ALDH1A2: variants seen among roughly 807,000 people sequenced by gnomAD.
The protein encoded by ALDH1A2 is aldehyde dehydrogenase 1 family member A2, also known as retinal dehydrogenase 2.
ALDH1A2 carries 27 observed loss-of-function variants against 60.3 expected under a neutral mutation model. The observed-to-expected ratio is 0.45, with a 90% CI of 0.33 to 0.62. The LOEUF is 0.62. Among genes scored for constraint, ALDH1A2 ranks in the 20% least tolerant of loss-of-function variants. The pLI, the probability that ALDH1A2 is intolerant of heterozygous loss-of-function variation, is 0.02. For synonymous variants in ALDH1A2, 289 were observed against 232.4 expected, an observed-to-expected ratio of 1.24 and a Z score of -2.21; for missense variants, 581 against 643.8, an observed-to-expected ratio of 0.90 and a Z score of 1.06.
chr15:58,020,629 C>A (rs1053739872), intron 1 of ALDH1A2, among the ~76,000 whole-genome samples: 2 of 152,166 alleles, frequency 1.3e-5, no homozygotes, highest in Admixed American at 6.5e-5. Context: ...CTAATCCCGT[C>A]CTCCAGCTTG....
At chr15:58,062,761 G>A (rs182923377) in intron 1 of ALDH1A2, among the ~76,000 whole-genome samples, 149 of 152,200 alleles carry the variant, frequency 9.8e-4, no homozygotes, top group Non-Finnish European at 1.7e-3. Flanking sequence ...GCTGTATTAG[G>A]GAAATACAAA....
At chr15:58,058,471 A>G (rs987953441) in intron 1 of ALDH1A2, among the ~76,000 whole-genome samples, 2 of 143,420 alleles carry the variant, frequency 1.4e-5, no homozygotes, top group Non-Finnish European at 3.1e-5. Flanking sequence ...TGATATTCAA[A>G]AAAAAAAAAA....
intron 4 of ALDH1A2, among the ~76,000 whole-genome samples, chr15:57,996,663 T>C (rs1895075835): frequency 6.6e-6 from 1 of 151,988 alleles, no homozygotes; most frequent in Admixed American, 6.6e-5. Flanking sequence ...AAGACTATCA[T>C]TACAAACATA....
At position 58,059,811 on chromosome 15, in the gene ALDH1A2, A is replaced by G. The variant is rs565811958; in HGVS notation, c.117+5723T>C. ...AAAAACGCAGTGTAAATATATAAGG[A>G]GGATTCCATAGCTACCCAGAATATT... On this transcript the variant is annotated intron_variant, in intron 1 of 12. Transcript: ENST00000249750. Among the ~76,000 whole-genome samples the G allele has an allele frequency of 2.2e-3, 334 of 152,358 alleles. 2 individuals are homozygous for G. Among genetic ancestry groups the G allele is most frequent in the Non-Finnish European group, 3.9e-3 (265 of 68,032 alleles).
chr15:58,023,204 A>T (rs918351050), intron 1 of ALDH1A2, among the ~76,000 whole-genome samples: 1 of 152,216 alleles, frequency 6.6e-6, no homozygotes, highest in East Asian at 1.9e-4. Context: ...AAAAAAATGC[A>T]TTTAAAATCT....
chr15:57,968,293 CA>C (rs1158454011), intron 7 of ALDH1A2, among the ~76,000 whole-genome samples: 3 of 152,182 alleles, frequency 2.0e-5, no homozygotes, highest in Non-Finnish European at 2.9e-5. Flanking sequence ...TTAAGCCTCT[CA>C]AAAAACCCTA....
In ALDH1A2 at chr15:58,014,249, C is replaced by G. The variant is rs1895725335; in HGVS notation, c.150G>C (p.Glu50Asp). The G allele has an allele frequency of 3.1e-6, 5 of 1,613,980 alleles. No homozygotes were observed. The African/African-American group carries it at 5.3e-5, about 17-fold the overall frequency. Residue 50 changes from glutamate (E) to aspartate (D), a missense_variant, in exon 2 of 13, where the codon GAG becomes GAC. Transcript: ENST00000249750. ...TATAGACAGGGAACACTCTCCCACT[C>G]TCTGAGTTCTGCCACTCGTTGTTTA... is the stretch of plus-strand genomic sequence containing the variant. The part of the protein sequence containing the change: ...IFINNEWQNS[E>D]SGRVFPVYNP...
At chr15:58,020,227 G>A (rs531805547) in intron 1 of ALDH1A2, among the ~76,000 whole-genome samples, 2 of 152,238 alleles carry the variant, frequency 1.3e-5, no homozygotes, top group South Asian at 4.1e-4. Context: ...CCATTGATGG[G>A]TATTTGGGTT....
At chr15:57,985,435 C>G (rs550089193) in intron 7 of ALDH1A2, among the ~76,000 whole-genome samples, 351 of 152,258 alleles carry the variant, frequency 2.3e-3, no homozygotes, top group Non-Finnish European at 4.1e-3. Context: ...TAAAATTTCC[C>G]AAACTCATAT....
At chr15:58,060,697 T>G (rs1897013168) in intron 1 of ALDH1A2, among the ~76,000 whole-genome samples, 1 of 152,192 alleles carries the variant, frequency 6.6e-6, no homozygotes, top group Non-Finnish European at 1.5e-5. Context: ...GCCATTATAG[T>G]CAGAAAGCTG....
At chr15:57,989,159 C>G (rs1323336245) in intron 7 of ALDH1A2, among the ~76,000 whole-genome samples, 1 of 152,184 alleles carries the variant, frequency 6.6e-6, no homozygotes, top group East Asian at 1.9e-4. Flanking sequence ...AAAAATGTTA[C>G]TCGTTTTTAG....
intron 3 of ALDH1A2, 96 bp from the exon 4 acceptor site, chr15:58,010,874 A>G: frequency 6.7e-7 from 1 of 1,481,934 alleles, no homozygotes; most frequent in Non-Finnish European, 9.3e-7. Context: ...GAGAGAATAC[A>G]AATGCATATG....
At chr15:57,992,890 G>C in intron 6 of ALDH1A2, 55 bp downstream of exon 6, 2 of 1,613,708 alleles carry the variant, frequency 1.2e-6, no homozygotes, top group Non-Finnish European at 8.5e-7. Context: ...ATATGCTCTA[G>C]TAGGCTCCAG....
At chr15:58,041,480 C>G (rs571376155) in intron 1 of ALDH1A2, among the ~76,000 whole-genome samples, 1 of 152,012 alleles carries the variant, frequency 6.6e-6, no homozygotes, top group South Asian at 2.1e-4. Flanking sequence ...ACAACAGAAA[C>G]TTATTTCTCA....
At chr15:57,979,798 G>A (rs759916176) in intron 7 of ALDH1A2, 2 of 249,682 alleles carry the variant, frequency 8.0e-6, no homozygotes, top group Admixed American at 7.9e-5. Context: ...ACCCAAGGGA[G>A]CCCCGTCAGC....
At chr15:57,994,675 C>A (rs1453312049) in intron 5 of ALDH1A2, among the ~76,000 whole-genome samples, 1 of 151,992 alleles carries the variant, frequency 6.6e-6, no homozygotes, top group Non-Finnish European at 1.5e-5. Flanking sequence ...AGAAAAGAAA[C>A]AGTGGGAAAG....
chr15:58,054,737 AAAG>A (rs1313206224), intron 1 of ALDH1A2, among the ~76,000 whole-genome samples: 1 of 152,168 alleles, frequency 6.6e-6, no homozygotes. Context: ...AGCCATAAAA[AAAG>A]AAAACACTTT....
chr15:58,050,823 T>C (rs4646572), intron 1 of ALDH1A2, among the ~76,000 whole-genome samples: 48,783 of 152,088 alleles, frequency 0.32, 8,418 homozygotes, highest in Non-Finnish European at 0.4. Flanking sequence ...TTCAGTTGAA[T>C]TAGAAGTTAA....
chr15:58,007,078 T>C (rs1895484896), intron 4 of ALDH1A2, among the ~76,000 whole-genome samples: 1 of 151,852 alleles, frequency 6.6e-6, no homozygotes, highest in African/African-American at 2.4e-5. Context: ...ATAGTACTTC[T>C]GTCTGGTTGG....
Sources: allele counts gnomAD v4.1 joint callset (sites outside exome capture counted in the v4.1 genomes callset), GRCh38; gene constraint gnomAD v4.1.1; transcripts MANE v1.5; gene names NCBI Gene and HGNC (gene_info 2026-07-23, HGNC 2026-07-21).